The following MAGI1 variants were observed in gnomAD, a reference collection of about 807,000 sequenced individuals.
The protein encoded by MAGI1 is membrane-associated guanylate kinase, WW and PDZ domain-containing protein 1.
Under a neutral mutation model 139.9 loss-of-function variants are expected in MAGI1, and 58 were observed. The ratio of observed to expected loss-of-function variants is 0.41; its 90% confidence interval spans 0.34 to 0.52. The LOEUF (loss-of-function observed/expected upper bound fraction) is 0.52, where lower values mean the gene tolerates loss of function less well. MAGI1 is among the 20% of genes least tolerant of loss of function. MAGI1 has a pLI of 0.12. For missense variants in MAGI1, 1,874 were observed against 1,901.6 expected (o/e 0.99, Z 0.27); for synonymous variants, 812 against 737.9 (o/e 1.10, Z -1.63).
chr3:65,985,572 T>G (rs1333782149), intron 1 of MAGI1, among the ~76,000 whole-genome samples: 1 of 152,224 alleles, frequency 6.6e-6, no homozygotes, highest in East Asian at 1.9e-4. Flanking sequence ...AGGACAGGAC[T>G]AATAGACTTT....
chr3:65,884,198 A>G (rs937965063), intron 1 of MAGI1, among the ~76,000 whole-genome samples: 1 of 152,208 alleles, frequency 6.6e-6, no homozygotes, highest in Non-Finnish European at 1.5e-5. Context: ...AAAGAAAAAC[A>G]CGTCCGAATA....
At chr3:65,473,618 C>T (rs867058777) in intron 4 of MAGI1, among the ~76,000 whole-genome samples, 14 of 133,218 alleles carry the variant, frequency 1.1e-4, no homozygotes, top group Non-Finnish European at 2.0e-4. Context: ...CTCAATTTAA[C>T]GCTGAGTGTC....
intron 12 of MAGI1, among the ~76,000 whole-genome samples, chr3:65,417,561 A>T (rs1946318077): frequency 1.3e-5 from 2 of 152,034 alleles, no homozygotes; most frequent in Admixed American, 1.3e-4. Context: ...AGAAAAGAAA[A>T]GTTGCCAGTT....
chr3:65,813,513 A>C (rs1443056333), intron 1 of MAGI1, among the ~76,000 whole-genome samples: 1 of 152,216 alleles, frequency 6.6e-6, no homozygotes, highest in Non-Finnish European at 1.5e-5. Context: ...ACTACTCAGA[A>C]AAAATATATA....
intron 1 of MAGI1, among the ~76,000 whole-genome samples, chr3:65,983,749 C>T (rs148569072): frequency 6.6e-6 from 1 of 152,228 alleles, no homozygotes. Flanking sequence ...CATTAGTTGA[C>T]AATGGCCGCT....
At chr3:65,358,321 C>A (rs1342425022) in intron 22 of MAGI1, among the ~76,000 whole-genome samples, 2 of 152,142 alleles carry the variant, frequency 1.3e-5, no homozygotes, top group Admixed American at 1.3e-4. Flanking sequence ...GCACTGCAGT[C>A]TGGAGGGCAG....
chr3:65,552,578 C>T (rs1048690987), intron 2 of MAGI1, among the ~76,000 whole-genome samples: 6 of 152,116 alleles, frequency 3.9e-5, no homozygotes, highest in African/African-American at 1.4e-4. Context: ...TGGGTAAATG[C>T]AACTGGGGAC....
chr3:65,721,890 C>T (rs1247012907), intron 1 of MAGI1, among the ~76,000 whole-genome samples: 2 of 150,914 alleles, frequency 1.3e-5, no homozygotes, highest in Non-Finnish European at 2.9e-5. Context: ...TTCTGGAGGT[C>T]GACTAAGGAA....
chr3:65,541,689 C>G (rs1278883304), intron 2 of MAGI1, among the ~76,000 whole-genome samples: 1 of 152,080 alleles, frequency 6.6e-6, no homozygotes, highest in Non-Finnish European at 1.5e-5. Context: ...ATCTCAACAG[C>G]TGCAGAAAAG....
chr3:65,844,114 G>T, intron 1 of MAGI1: 1 of 516,996 alleles, frequency 1.9e-6, no homozygotes, highest in South Asian at 1.4e-5. Context: ...GGGCCAAACA[G>T]TGGGGCTGGA....
intron 1 of MAGI1, among the ~76,000 whole-genome samples, chr3:65,875,268 G>C (rs1218138185): frequency 6.6e-6 from 1 of 152,078 alleles, no homozygotes; most frequent in Non-Finnish European, 1.5e-5. Flanking sequence ...AAAGGTAAAG[G>C]GTTTGTTGTT....
At chr3:65,419,378 G>A (rs887217767) in intron 12 of MAGI1, among the ~76,000 whole-genome samples, 24 of 152,142 alleles carry the variant, frequency 1.6e-4, no homozygotes, top group African/African-American at 5.6e-4. Flanking sequence ...CAGTGAGTGT[G>A]ATACACTCTA....
chr3:65,545,387 A>C (rs530870561), intron 2 of MAGI1, among the ~76,000 whole-genome samples: 2 of 152,350 alleles, frequency 1.3e-5, no homozygotes, highest in Non-Finnish European at 2.9e-5. Context: ...ATGTATATAC[A>C]TGGAACTCCT....
intron 2 of MAGI1, among the ~76,000 whole-genome samples, chr3:65,515,701 C>T (rs1473498269): frequency 1.3e-5 from 2 of 152,178 alleles, no homozygotes; most frequent in Non-Finnish European, 2.9e-5. Flanking sequence ...CAACCCATGG[C>T]CCAGGATGAA....
intron 2 of MAGI1, among the ~76,000 whole-genome samples, chr3:65,544,251 G>A (rs1348847584): frequency 6.6e-6 from 1 of 151,982 alleles, no homozygotes; most frequent in Non-Finnish European, 1.5e-5. Flanking sequence ...AATGACTTCT[G>A]CAAAGTTCTT....
intron 1 of MAGI1, among the ~76,000 whole-genome samples, chr3:65,671,180 A>C (rs937261396): frequency 1.3e-5 from 2 of 152,218 alleles, no homozygotes; most frequent in African/African-American, 4.8e-5. Context: ...TATGTTGCCT[A>C]GTACTACAGA....
At chr3:65,996,965 T>C (rs1254532365) in intron 1 of MAGI1, among the ~76,000 whole-genome samples, 2 of 152,238 alleles carry the variant, frequency 1.3e-5, no homozygotes. Context: ...AGGTATTCTA[T>C]TCCCAATTTT....
chr3:65,792,561 T>C (rs2039860807), intron 1 of MAGI1, among the ~76,000 whole-genome samples: 1 of 152,116 alleles, frequency 6.6e-6, no homozygotes, highest in Non-Finnish European at 1.5e-5. Flanking sequence ...GCTAGCTATA[T>C]AGCTAGCTAT....
At chr3:65,550,673 G>A (rs1010127614) in intron 2 of MAGI1, among the ~76,000 whole-genome samples, 6 of 152,066 alleles carry the variant, frequency 3.9e-5, no homozygotes, top group Admixed American at 1.3e-4. Flanking sequence ...AGAAGAACTG[G>A]AATTCCCAAG....
Sources: gnomAD v4.1 joint callset for allele counts (sites outside exome capture counted in the v4.1 genomes callset) on GRCh38, gnomAD v4.1.1 for gene constraint, MANE v1.5 for transcripts, NCBI Gene and HGNC (gene_info 2026-07-23, HGNC 2026-07-21) for gene names.